FGF1: variants seen among roughly 807,000 people sequenced by gnomAD.
FGF1 encodes fibroblast growth factor 1.
In FGF1, 9 loss-of-function variants were observed where a neutral mutation model predicts 13.4. The ratio of observed to expected loss-of-function variants is 0.67; its 90% CI spans 0.40 to 1.17. FGF1 has a LOEUF of 1.17. Ranked by LOEUF, FGF1 falls within the 50% of genes most tolerant of loss-of-function variation. FGF1 has a pLI of 0.01. For synonymous variants in FGF1, 93 were observed against 79.0 expected (o/e 1.18, Z -0.94); for missense variants, 156 against 192.7 (o/e 0.81, Z 1.13).
At chr5:142,695,556 T>C (rs1484259541) in intron 2 of FGF1, among the ~76,000 whole-genome samples, 1 of 139,438 alleles carries the variant, frequency 7.2e-6, no homozygotes, top group African/African-American at 2.9e-5. Context: ...CACTCCAACC[T>C]GGGTGACAGA....
intron 3 of FGF1, among the ~76,000 whole-genome samples, chr5:142,598,330 G>A (rs529066775): frequency 6.6e-6 from 1 of 152,248 alleles, no homozygotes; most frequent in African/African-American, 2.4e-5. Flanking sequence ...CCAGATCAGC[G>A]GTGCTCCGTC....
At chr5:142,658,070 A>G (rs1461514856) in intron 1 of FGF1, among the ~76,000 whole-genome samples, 2 of 152,342 alleles carry the variant, frequency 1.3e-5, no homozygotes, top group African/African-American at 4.8e-5. Context: ...ATAACAGCCC[A>G]CGGTGGACGT....
At chr5:142,608,497 AAT>A (rs140055415) in intron 2 of FGF1, among the ~76,000 whole-genome samples, 1 of 145,414 alleles carries the variant, frequency 6.9e-6, no homozygotes. Flanking sequence ...AGTGGTAAAA[AAT>A]ATATATATAT....
intron 1 of FGF1, among the ~76,000 whole-genome samples, chr5:142,669,259 G>C (rs180851900): frequency 4.6e-5 from 7 of 152,330 alleles, no homozygotes; most frequent in African/African-American, 1.7e-4. Context: ...GTTACTGGTA[G>C]GGGGCTGGGC....
intron 1 of FGF1, among the ~76,000 whole-genome samples, chr5:142,642,222 A>C (rs1765314601): frequency 6.6e-6 from 1 of 152,214 alleles, no homozygotes; most frequent in African/African-American, 2.4e-5. Context: ...CCTTACCTCC[A>C]GGACCAGGAA....
intron 1 of FGF1, among the ~76,000 whole-genome samples, chr5:142,631,779 C>CTTTTTT (rs34929420): frequency 2.2e-5 from 2 of 92,922 alleles, no homozygotes; most frequent in African/African-American, 4.3e-5. Flanking sequence ...TTTAAATTAG[C>CTTTTTT]TTTTTTTTTT....
At chr5:142,665,617 T>C (rs754017676) in intron 1 of FGF1, among the ~76,000 whole-genome samples, 3 of 152,146 alleles carry the variant, frequency 2.0e-5, no homozygotes, top group Non-Finnish European at 4.4e-5. Flanking sequence ...GTGACCTCAA[T>C]ATGTTCTCCT....
At chr5:142,674,757 G>A (rs532999419) in intron 1 of FGF1, among the ~76,000 whole-genome samples, 15 of 152,274 alleles carry the variant, frequency 9.9e-5, no homozygotes, top group African/African-American at 3.6e-4. Context: ...GCCAATTCAG[G>A]ATATGCTTCC....
At chr5:142,637,838 G>A (rs1157790748) in intron 1 of FGF1, among the ~76,000 whole-genome samples, 1 of 151,984 alleles carries the variant, frequency 6.6e-6, no homozygotes, top group Admixed American at 6.5e-5. Context: ...CTACAAAACA[G>A]TGCCATTTGT....
chr5:142,610,331 T>G (rs1758777020), intron 2 of FGF1, among the ~76,000 whole-genome samples: 1 of 152,194 alleles, frequency 6.6e-6, no homozygotes, highest in Non-Finnish European at 1.5e-5. Flanking sequence ...AAATTTGTAG[T>G]GTTGAGCAAT....
At chr5:142,613,843 A>G (rs1230950500) in intron 2 of FGF1, 116 bp downstream of exon 2, 11 of 1,087,194 alleles carry the variant, frequency 1.0e-5, no homozygotes, top group South Asian at 1.7e-5. Context: ...TGAATGTGTC[A>G]TGCCTGAATA....
intron 2 of FGF1, among the ~76,000 whole-genome samples, chr5:142,606,738 G>C (rs917330216): frequency 3.3e-5 from 5 of 152,112 alleles, no homozygotes; most frequent in African/African-American, 1.2e-4. Flanking sequence ...GCTTTGGGAA[G>C]GATAAGAGGA....
At chr5:142,606,266 C>A (rs1230125629) in intron 2 of FGF1, among the ~76,000 whole-genome samples, 1 of 142,516 alleles carries the variant, frequency 7.0e-6, no homozygotes, top group Non-Finnish European at 1.5e-5. Context: ...TTTTTTTAAT[C>A]CCCTTTCAAA....
At chr5:142,659,174 GATA>G (rs1768719261) in intron 1 of FGF1, among the ~76,000 whole-genome samples, 4 of 150,536 alleles carry the variant, frequency 2.7e-5, no homozygotes, top group South Asian at 2.1e-4. Context: ...ACAAATAAAA[GATA>G]ATAATTTTTT....
At chr5:142,637,381 TC>T (rs765550496) in intron 1 of FGF1, among the ~76,000 whole-genome samples, 4 of 149,598 alleles carry the variant, frequency 2.7e-5, no homozygotes, top group Non-Finnish European at 5.9e-5. Context: ...GTGCAGTGGC[TC>T]GATCTCAGCT....
chr5:142,640,430 G>GGT (rs566869805), intron 1 of FGF1, among the ~76,000 whole-genome samples: 4 of 150,250 alleles, frequency 2.7e-5, no homozygotes, highest in Non-Finnish European at 5.9e-5. Flanking sequence ...GTATGGTGGG[G>GGT]GGGGGGGTCT....
intron 1 of FGF1, among the ~76,000 whole-genome samples, chr5:142,641,722 A>C (rs1478841117): frequency 1.3e-5 from 2 of 151,868 alleles, no homozygotes; most frequent in Non-Finnish European, 2.9e-5. Context: ...ACAGATGATA[A>C]AACTGAGATC....
chr5:142,638,544 T>C (rs1764656532), intron 1 of FGF1, among the ~76,000 whole-genome samples: 1 of 152,050 alleles, frequency 6.6e-6, no homozygotes, highest in Admixed American at 6.5e-5. Flanking sequence ...TCAAAATGAA[T>C]TGAAGTCTCA....
intron 1 of FGF1, among the ~76,000 whole-genome samples, chr5:142,681,605 AAT>A (rs1773706287): frequency 6.6e-6 from 1 of 152,148 alleles, no homozygotes; most frequent in Non-Finnish European, 1.5e-5. Context: ...AGGGTCTTCC[AAT>A]ATCATCTGGT....
Sources: gnomAD v4.1 joint callset for allele counts (sites outside exome capture counted in the v4.1 genomes callset) on GRCh38, gnomAD v4.1.1 for gene constraint, MANE v1.5 for transcripts, NCBI Gene and HGNC (gene_info 2026-07-23, HGNC 2026-07-21) for gene names.